SLC9C1: variants seen among roughly 807,000 people sequenced by gnomAD.
SLC9C1 encodes the protein sodium/hydrogen exchanger 10.
A neutral mutation model predicts 140.9 loss-of-function variants in SLC9C1; 97 were observed. That is an observed-to-expected ratio of 0.69 (90% confidence interval 0.58 to 0.82). The LOEUF (loss-of-function observed/expected upper bound fraction) is 0.82, where lower values mean the gene tolerates loss of function less well. Among genes scored for constraint, SLC9C1 ranks in the 40% least tolerant of loss-of-function variants. The pLI, the probability that SLC9C1 is intolerant of heterozygous loss-of-function variation, is 0.00. For synonymous variants in SLC9C1, 440 were observed against 442.6 expected (o/e 0.99, Z 0.07); for missense variants, 1,340 against 1,389.3 (o/e 0.96, Z 0.56).
chr3:112,274,770 A>G, intron 6 of SLC9C1, 127 bp downstream of exon 6: 1 of 919,434 alleles, frequency 1.1e-6, no homozygotes, highest in Non-Finnish European at 1.5e-6. Flanking sequence ...AGAGTAAGTC[A>G]CTAAACCAAT....
chr3:112,234,602 T>C (rs1024380176), intron 12 of SLC9C1, among the ~76,000 whole-genome samples: 3 of 152,252 alleles, frequency 2.0e-5, no homozygotes, highest in East Asian at 1.9e-4. Flanking sequence ...AGGGTTCTTA[T>C]GGTTTTAGGT....
At chr3:112,150,443 C>T (rs964755848) in intron 28 of SLC9C1, among the ~76,000 whole-genome samples, 2 of 152,112 alleles carry the variant, frequency 1.3e-5, no homozygotes, top group African/African-American at 2.4e-5. Context: ...GCTTCACTCA[C>T]TTTTATGAGG....
chr3:112,174,554 A>G (rs1179086042), intron 23 of SLC9C1, among the ~76,000 whole-genome samples: 1 of 152,156 alleles, frequency 6.6e-6, no homozygotes, highest in African/African-American at 2.4e-5. Flanking sequence ...CCTCTGTGCT[A>G]CTACCAGTGA....
At chr3:112,153,867 T>A (rs1334065550) in intron 27 of SLC9C1, among the ~76,000 whole-genome samples, 1 of 152,140 alleles carries the variant, frequency 6.6e-6, no homozygotes, top group Non-Finnish European at 1.5e-5. Flanking sequence ...AGGCAATAAA[T>A]AGGAAAGGTT....
chr3:112,215,049 T>C (rs1474024602), intron 15 of SLC9C1, among the ~76,000 whole-genome samples: 1 of 152,168 alleles, frequency 6.6e-6, no homozygotes, highest in East Asian at 1.9e-4. Flanking sequence ...GCAAGTCTGG[T>C]TCAACATACA....
chr3:112,290,029 G>C (rs1384104811), intron 1 of SLC9C1, among the ~76,000 whole-genome samples: 1 of 152,150 alleles, frequency 6.6e-6, no homozygotes, highest in East Asian at 1.9e-4. Flanking sequence ...CTGGTGTTTA[G>C]AAACACTGCT....
chr3:112,276,389 T>A (rs565507031), intron 5 of SLC9C1, among the ~76,000 whole-genome samples: 40 of 151,504 alleles, frequency 2.6e-4, no homozygotes, highest in African/African-American at 9.4e-4. Flanking sequence ...TGAAAAAATA[T>A]ATATATATGC....
At chr3:112,234,850 A>G (rs1329623252) in intron 12 of SLC9C1, among the ~76,000 whole-genome samples, 5 of 152,090 alleles carry the variant, frequency 3.3e-5, no homozygotes, top group Non-Finnish European at 7.4e-5. Context: ...CTGTTTTGGT[A>G]CAAGTACCAT....
chr3:112,234,399 T>G (rs1434057403), intron 12 of SLC9C1, among the ~76,000 whole-genome samples: 2 of 151,208 alleles, frequency 1.3e-5, no homozygotes, highest in African/African-American at 4.8e-5. Flanking sequence ...ATGCGTAGAT[T>G]GCAAAAATTT....
chr3:112,234,536 A>G (rs1214067674), intron 12 of SLC9C1, among the ~76,000 whole-genome samples: 1 of 152,046 alleles, frequency 6.6e-6, no homozygotes, highest in African/African-American at 2.4e-5. Flanking sequence ...GGTGTTTTAG[A>G]CATGAAGTCC....
chr3:112,241,601 T>G (rs187937795), intron 11 of SLC9C1, among the ~76,000 whole-genome samples: 1 of 152,302 alleles, frequency 6.6e-6, no homozygotes, highest in East Asian at 1.9e-4. Flanking sequence ...AAAACAGTTC[T>G]AAAATTTACA....
chr3:112,214,612 G>A (rs988668664), intron 15 of SLC9C1, among the ~76,000 whole-genome samples: 4 of 152,140 alleles, frequency 2.6e-5, no homozygotes, highest in African/African-American at 9.7e-5. Context: ...AAATCTACAA[G>A]AAATGGATAA....
intron 14 of SLC9C1, among the ~76,000 whole-genome samples, chr3:112,220,465 G>A (rs2078510001): frequency 6.6e-6 from 1 of 152,172 alleles, no homozygotes; most frequent in Non-Finnish European, 1.5e-5. Flanking sequence ...AATAAGCTTA[G>A]GACAATTTAA....
intron 28 of SLC9C1, 93 bp from the exon 29 acceptor site, chr3:112,141,374 C>A: frequency 7.4e-7 from 1 of 1,345,434 alleles, no homozygotes; most frequent in Non-Finnish European, 1.0e-6. Context: ...ACTAGAGGGT[C>A]AATTTGACTC....
chr3:112,143,485 G>C (rs2074691671), intron 28 of SLC9C1, among the ~76,000 whole-genome samples: 1 of 152,158 alleles, frequency 6.6e-6, no homozygotes, highest in Non-Finnish European at 1.5e-5. Flanking sequence ...TTTCTCTAAT[G>C]ATTAGTCATG....
intron 10 of SLC9C1, among the ~76,000 whole-genome samples, chr3:112,255,169 G>A (rs538609186): frequency 6.6e-6 from 1 of 151,938 alleles, no homozygotes; most frequent in Non-Finnish European, 1.5e-5. Flanking sequence ...AGTAGCAAAC[G>A]TATCATTAAG....
At chr3:112,179,046 G>A (rs915322975) in intron 23 of SLC9C1, among the ~76,000 whole-genome samples, 21 of 152,066 alleles carry the variant, frequency 1.4e-4, no homozygotes, top group African/African-American at 5.1e-4. Context: ...TAATGTATGG[G>A]TTTTCACATA....
At chr3:112,228,117 A>T (rs56042414) in intron 13 of SLC9C1, among the ~76,000 whole-genome samples, 1 of 151,994 alleles carries the variant, frequency 6.6e-6, no homozygotes, top group Non-Finnish European at 1.5e-5. Flanking sequence ...ACAAAGCTGG[A>T]GACATTATAA....
chr3:112,144,436 C>T (rs997686646), intron 28 of SLC9C1, among the ~76,000 whole-genome samples: 7 of 152,052 alleles, frequency 4.6e-5, no homozygotes, highest in African/African-American at 1.7e-4. Context: ...GCTGGAATTA[C>T]AGGTGTGAGC....
Sources: allele counts gnomAD v4.1 joint callset (sites outside exome capture counted in the v4.1 genomes callset), GRCh38; gene constraint gnomAD v4.1.1; transcripts MANE v1.5; gene names NCBI Gene and HGNC (gene_info 2026-07-23, HGNC 2026-07-21).